The following C9orf43 variants were observed in gnomAD, a reference collection of about 807,000 sequenced individuals.
The protein encoded by C9orf43 is chromosome 9 open reading frame 43.
Under a neutral mutation model 59.1 loss-of-function variants are expected in C9orf43, and 45 were observed. The ratio of observed to expected loss-of-function variants is 0.76; its 90% CI spans 0.60 to 0.98. The LOEUF (loss-of-function observed/expected upper bound fraction) is 0.98. Ranked by LOEUF, C9orf43 falls within the 50% of genes least tolerant of loss-of-function variation. C9orf43 has a pLI of 0.00. For synonymous variants in C9orf43, 203 were observed against 196.8 expected (o/e 1.03, Z -0.26); for missense variants, 533 against 554.9 (o/e 0.96, Z 0.40).
At chr9:113,420,398 G>A (rs749082458) in intron 4 of C9orf43, among the ~76,000 whole-genome samples, 21 of 152,268 alleles carry the variant, frequency 1.4e-4, no homozygotes, top group Admixed American at 2.6e-4. Flanking sequence ...ATTATTTTAA[G>A]TTAATTATTT....
chr9:113,415,190 C>G (rs897809898), intron 3 of C9orf43, among the ~76,000 whole-genome samples: 1 of 151,784 alleles, frequency 6.6e-6, no homozygotes, highest in African/African-American at 2.4e-5. Flanking sequence ...GTTGCCTAGC[C>G]TGGAGTACAG....
At position 113,423,456 on chromosome 9, in the gene C9orf43, TCTGGG is replaced by T; in HGVS notation, c.617_621del (p.Trp206SerfsTer45). 6.2e-7 allele frequency: 1 copy of T among 1,614,094 alleles called. No individual in the cohort carries two copies. Among genetic ancestry groups the T allele is most frequent in the African/African-American group, 1.3e-5 (1 of 75,038 alleles). ...CAATTCAGTTCAGATTTCCTACCTC[TCTGGG>T]CTCAATCCGAAGCGTTACCTCAGGA... On this transcript the variant is annotated frameshift_variant, in exon 7 of 14. Coordinates refer to ENST00000374165, the MANE Select transcript of C9orf43 (RefSeq NM_001278629.2). LOFTEE classifies it high-confidence loss of function.
At chr9:113,424,141 T>A (rs748871282) in intron 7 of C9orf43, 25 bp from the exon 8 acceptor site, 5 of 1,570,038 alleles carry the variant, frequency 3.2e-6, no homozygotes, top group Non-Finnish European at 4.3e-6. Flanking sequence ...TTGCTGACTG[T>A]CTGGCTGTCC....
At chr9:113,417,799 A>G (rs1414664336) in intron 3 of C9orf43, among the ~76,000 whole-genome samples, 1 of 152,234 alleles carries the variant, frequency 6.6e-6, no homozygotes, top group Non-Finnish European at 1.5e-5. Flanking sequence ...TAGAGCAGGA[A>G]TGGAAGAGTG....
intron 3 of C9orf43, among the ~76,000 whole-genome samples, chr9:113,418,565 T>C (rs1368534431): frequency 6.6e-6 from 1 of 152,210 alleles, no homozygotes; most frequent in Non-Finnish European, 1.5e-5. Context: ...ACAATTAAAA[T>C]ATACTGTGAT....
intron 11 of C9orf43, among the ~76,000 whole-genome samples, chr9:113,426,464 T>C (rs1267460010): frequency 6.6e-6 from 1 of 152,204 alleles, no homozygotes; most frequent in African/African-American, 2.4e-5. Context: ...TGGACATTGC[T>C]GACTTTAATA....
At chr9:113,411,060 A>G (rs1828119211) in intron 1 of C9orf43, 59 bp downstream of exon 1, 2 of 985,278 alleles carry the variant, frequency 2.0e-6, no homozygotes, top group Non-Finnish European at 1.2e-6. Flanking sequence ...AACGCGAACT[A>G]TTTAGGCAGC....
chr9:113,416,681 G>A (rs1373111082), intron 3 of C9orf43, among the ~76,000 whole-genome samples: 1 of 151,728 alleles, frequency 6.6e-6, no homozygotes, highest in African/African-American at 2.4e-5. Context: ...CTCTTAACTA[G>A]GTTTTTTTTT....
Position 113,429,662 on chromosome 9 carries a change from G to A in C9orf43, c.*276G>A, listed in dbSNP as rs1222178545. The stretch of plus-strand genomic sequence containing the variant: ...CCATTAGGGTCAGAATAATTTTGGT[G>A]ATTAAACACAACTGCTTTTCAATCA... On this transcript the variant is annotated 3_prime_UTR_variant, in exon 14 of 14. Coordinates refer to ENST00000374165, the MANE Select transcript of C9orf43 (RefSeq NM_001278629.2). 6 of 359,788 alleles carry A rather than the reference G, an allele frequency of 1.7e-5. No individual in the cohort carries two copies. The highest frequency in any genetic ancestry group is 1.3e-4 in the African/African-American group (6 of 47,762). The allele number at this position is 359,788 out of a possible 1,614,324, so 22.3% of individuals were successfully genotyped here. A position where few individuals can be genotyped will look rare whatever the true frequency, so the allele number is the denominator to read the frequency against.
At chr9:113,422,497 C>A in intron 5 of C9orf43, 52 bp from the exon 6 acceptor site, 1 of 1,605,676 alleles carries the variant, frequency 6.2e-7, no homozygotes, top group Non-Finnish European at 8.5e-7. Flanking sequence ...ACTCTTATTT[C>A]AAGTCCAGCT....
At chr9:113,411,813 G>A (rs904806404) in intron 1 of C9orf43, among the ~76,000 whole-genome samples, 6 of 151,914 alleles carry the variant, frequency 3.9e-5, no homozygotes, top group African/African-American at 1.2e-4. Context: ...AATAGCTGGG[G>A]CTACAGGTGC....
At chr9:113,416,095 C>G (rs1263082133) in intron 3 of C9orf43, among the ~76,000 whole-genome samples, 1 of 152,264 alleles carries the variant, frequency 6.6e-6, no homozygotes, top group African/African-American at 2.4e-5. Context: ...CTTCTTCCTT[C>G]AGTGTGTCTT....
Position 113,410,800 on chromosome 9 carries a change from A to G in C9orf43, c.-251A>G, listed in dbSNP as rs764129688. ...GGGTCCGTTAATCTCACCGCGCCGCAAGGGGCCACGTTTTACCACTTGATT... is the reference window on the plus strand; with the variant it reads ...GGGTCCGTTAATCTCACCGCGCCGCGAGGGGCCACGTTTTACCACTTGATT... On this transcript the variant is annotated 5_prime_UTR_variant, in exon 1 of 14. Coordinates refer to ENST00000374165, the MANE Select transcript of C9orf43 (RefSeq NM_001278629.2). 4.7e-5 allele frequency: 16 copies of G among 339,104 alleles called. No homozygotes were observed. The highest frequency in any genetic ancestry group is 6.9e-5 in the Non-Finnish European group (16 of 233,094). The allele number at this position is 339,104 out of a possible 1,614,324, so 21.0% of individuals were successfully genotyped here.
chr9:113,414,349 A>C (rs1227232000), intron 3 of C9orf43, among the ~76,000 whole-genome samples: 1 of 151,876 alleles, frequency 6.6e-6, no homozygotes, highest in Non-Finnish European at 1.5e-5. Flanking sequence ...ATCATAGCTC[A>C]CTGCAGCCTC....
intron 3 of C9orf43, among the ~76,000 whole-genome samples, chr9:113,417,158 T>C (rs1828390266): frequency 6.6e-6 from 1 of 152,230 alleles, no homozygotes; most frequent in African/African-American, 2.4e-5. Context: ...CTGTCTCCTA[T>C]GTCTTCAACA....
At chr9:113,422,337 C>A (rs577951222) in intron 5 of C9orf43, among the ~76,000 whole-genome samples, 44 of 152,114 alleles carry the variant, frequency 2.9e-4, no homozygotes, top group Non-Finnish European at 5.1e-4. Flanking sequence ...GATGGGGGGT[C>A]TTTTTAGCAG....
At chr9:113,420,864 C>T (rs1006988856) in intron 4 of C9orf43, 1 of 804,778 alleles carries the variant, frequency 1.2e-6, no homozygotes, top group Non-Finnish European at 1.5e-6. Context: ...AAATGCTACC[C>T]TAATGGCACA....
intron 1 of C9orf43, among the ~76,000 whole-genome samples, chr9:113,412,562 C>T (rs1334145050): frequency 6.6e-6 from 1 of 152,170 alleles, no homozygotes; most frequent in Non-Finnish European, 1.5e-5. Flanking sequence ...GCCTAAAACA[C>T]CTCTAGAAAG....
chr9:113,415,560 G>A lies in C9orf43; in HGVS notation c.287+1666G>A, dbSNP rs1828327396. Among the ~76,000 whole-genome samples the A allele has an allele frequency of 2.0e-5, 3 of 152,030 alleles. No individual in the cohort carries two copies. The South Asian group carries it at 6.2e-4, about 31-fold the overall frequency. On this transcript the variant is annotated intron_variant, in intron 3 of 13. Coordinates refer to ENST00000374165, the MANE Select transcript of C9orf43 (RefSeq NM_001278629.2). ...AAAGGGGTTATCCTGTAATCCCAGA[G>A]TGTTAGGATTACAGGCGTGAGCCAC...
Sources: allele counts gnomAD v4.1 joint callset (sites outside exome capture counted in the v4.1 genomes callset), GRCh38; gene constraint gnomAD v4.1.1; transcripts MANE v1.5; gene names NCBI Gene and HGNC (gene_info 2026-07-23, HGNC 2026-07-21).